Variants in ANTXR1 observed in about 807,000 individuals in gnomAD.
ANTXR1 encodes anthrax toxin receptor 1.
Under a neutral mutation model 78.1 loss-of-function variants are expected in ANTXR1, and 19 were observed. The ratio of observed to expected loss-of-function variants is 0.24; its 90% CI spans 0.17 to 0.36. The LOEUF (loss-of-function observed/expected upper bound fraction) is 0.36. ANTXR1 is among the 10% of genes least tolerant of loss of function. The pLI, the probability that ANTXR1 is intolerant of heterozygous loss-of-function variation, is 1.00. For synonymous variants in ANTXR1, 273 were observed against 260.5 expected, an observed-to-expected ratio of 1.05 and a Z score of -0.46; for missense variants, 518 against 718.6, an observed-to-expected ratio of 0.72 and a Z score of 3.19.
intron 6 of ANTXR1, among the ~76,000 whole-genome samples, chr2:69,075,057 T>A (rs1321850945): frequency 1.5e-5 from 1 of 65,876 alleles, no homozygotes; most frequent in Non-Finnish European, 2.5e-5. Flanking sequence ...TCTGTAGGAA[T>A]GAAAGGGCTT....
At chr2:69,087,133 G>A (rs1401733705) in intron 8 of ANTXR1, among the ~76,000 whole-genome samples, 1 of 152,128 alleles carries the variant, frequency 6.6e-6, no homozygotes, top group African/African-American at 2.4e-5. Flanking sequence ...GAGTCCACAT[G>A]GCCAGTAAGT....
chr2:69,186,703 A>G lies in ANTXR1; in HGVS notation c.1353+4043A>G, dbSNP rs182307444. On this transcript the variant is annotated intron_variant, in intron 16 of 17. Transcript: ENST00000303714. Reference sequence around the variant, plus strand: ...ACAGGAACTGTTTCTTTAGTTGACAATCTAAATCCACCTGTTTTTATATGA... The same window carrying G: ...ACAGGAACTGTTTCTTTAGTTGACAGTCTAAATCCACCTGTTTTTATATGA... Among the ~76,000 whole-genome samples, 17 of 152,382 alleles carry G rather than the reference A, an allele frequency of 1.1e-4. No individual in the cohort carries two copies. The East Asian group carries it at 3.1e-3, about 28-fold the overall frequency.
chr2:69,038,457 C>T (rs1669511489), intron 1 of ANTXR1, among the ~76,000 whole-genome samples: 1 of 152,152 alleles, frequency 6.6e-6, no homozygotes, highest in Admixed American at 6.5e-5. Context: ...TGAATCATTG[C>T]TTTTGACCCT....
At chr2:69,036,740 AG>A (rs1374767135) in intron 1 of ANTXR1, among the ~76,000 whole-genome samples, 2 of 152,202 alleles carry the variant, frequency 1.3e-5, no homozygotes, top group African/African-American at 4.8e-5. Context: ...TCTAGTGGAA[AG>A]GGGTTGTAGA....
At chr2:69,157,994 C>G (rs1229351660) in intron 13 of ANTXR1, among the ~76,000 whole-genome samples, 1 of 152,192 alleles carries the variant, frequency 6.6e-6, no homozygotes, top group East Asian at 1.9e-4. Context: ...AGCCTCACCT[C>G]TTACCTTCCC....
intron 1 of ANTXR1, among the ~76,000 whole-genome samples, chr2:69,018,205 C>T (rs1461073475): frequency 6.6e-6 from 1 of 152,122 alleles, no homozygotes; most frequent in African/African-American, 2.4e-5. Flanking sequence ...CTAAAGGCCC[C>T]CCACAGGCTC....
chr2:69,236,476 A>G (rs1304434918), intron 17 of ANTXR1, among the ~76,000 whole-genome samples: 2 of 152,350 alleles, frequency 1.3e-5, no homozygotes, highest in Non-Finnish European at 2.9e-5. Context: ...AAAAATTTTT[A>G]ATTCTAAAAC....
chr2:69,132,375 T>G (rs541639133), intron 12 of ANTXR1, among the ~76,000 whole-genome samples: 14 of 152,312 alleles, frequency 9.2e-5, no homozygotes, highest in African/African-American at 2.2e-4. Context: ...GGTGTCTGTT[T>G]TCTAAGTCAG....
intron 3 of ANTXR1, among the ~76,000 whole-genome samples, chr2:69,064,958 GA>G (rs1670352357): frequency 6.6e-6 from 1 of 151,870 alleles, no homozygotes; most frequent in Admixed American, 6.5e-5. Context: ...TAAAACCAAT[GA>G]AAAAGTAAAA....
chr2:69,243,743 T>C (rs1675944697), intron 17 of ANTXR1, among the ~76,000 whole-genome samples: 1 of 152,202 alleles, frequency 6.6e-6, no homozygotes, highest in African/African-American at 2.4e-5. Context: ...TCTGGACATA[T>C]CTCGTTCAGG....
intron 12 of ANTXR1, among the ~76,000 whole-genome samples, chr2:69,125,092 G>A (rs1027364232): frequency 6.6e-6 from 1 of 152,120 alleles, no homozygotes; most frequent in Non-Finnish European, 1.5e-5. Flanking sequence ...GTTTGGGGAG[G>A]TCATTTTATT....
intron 1 of ANTXR1, among the ~76,000 whole-genome samples, chr2:69,039,328 GC>G (rs1326954552): frequency 6.6e-6 from 1 of 152,164 alleles, no homozygotes; most frequent in Non-Finnish European, 1.5e-5. Flanking sequence ...AAATAAAGAA[GC>G]CCCTTTCCAA....
intron 12 of ANTXR1, chr2:69,146,452 C>A: frequency 1.1e-6 from 1 of 883,680 alleles, no homozygotes; most frequent in Non-Finnish European, 1.4e-6. Flanking sequence ...TAAGACTCCA[C>A]GTGTGGCTGT....
At chr2:69,158,095 C>A (rs905550914) in intron 13 of ANTXR1, among the ~76,000 whole-genome samples, 1 of 152,186 alleles carries the variant, frequency 6.6e-6, no homozygotes, top group African/African-American at 2.4e-5. Flanking sequence ...TGTCTGTCTT[C>A]CTCTGTTAAG....
At chr2:69,183,193 T>G (rs10182789) in intron 16 of ANTXR1, among the ~76,000 whole-genome samples, 28,648 of 152,074 alleles carry the variant, frequency 0.19, 3,895 homozygotes, top group East Asian at 0.44. Flanking sequence ...CATTCCCTTT[T>G]ATTTGCGCCT....
intron 12 of ANTXR1, among the ~76,000 whole-genome samples, chr2:69,126,062 G>A (rs1258585166): frequency 6.6e-6 from 1 of 152,128 alleles, no homozygotes; most frequent in East Asian, 1.9e-4. Flanking sequence ...CTGGAGTTGT[G>A]TCCTTAATAC....
intron 9 of ANTXR1, among the ~76,000 whole-genome samples, chr2:69,098,180 T>C (rs981037948): frequency 6.6e-6 from 1 of 152,180 alleles, no homozygotes; most frequent in Non-Finnish European, 1.5e-5. Context: ...GGTATTATGA[T>C]TGTGTACATA....
intron 1 of ANTXR1, among the ~76,000 whole-genome samples, chr2:69,036,396 A>C (rs1669426297): frequency 6.6e-6 from 1 of 152,252 alleles, no homozygotes; most frequent in Non-Finnish European, 1.5e-5. Context: ...AGTTACACTT[A>C]AATGTACAAT....
intron 3 of ANTXR1, among the ~76,000 whole-genome samples, chr2:69,066,505 GT>G (rs1340743270): frequency 2.6e-5 from 4 of 151,840 alleles, no homozygotes; most frequent in Non-Finnish European, 5.9e-5. Context: ...ATCTTTTAAT[GT>G]TTTCATCAGC....
Sources: allele counts gnomAD v4.1 joint callset (sites outside exome capture counted in the v4.1 genomes callset), GRCh38; gene constraint gnomAD v4.1.1; transcripts MANE v1.5; gene names NCBI Gene and HGNC (gene_info 2026-07-23, HGNC 2026-07-21).